Variants in ACTR2 observed in about 807,000 individuals in gnomAD.
ACTR2 encodes the protein actin related protein 2, also known as actin-related protein 2.
ACTR2 carries 5 observed loss-of-function variants against 50.2 expected under a neutral mutation model. The ratio of observed to expected loss-of-function variants is 0.10; its 90% CI spans 0.05 to 0.21. The LOEUF is 0.21. Ranked by LOEUF, ACTR2 falls within the 10% of genes least tolerant of loss-of-function variation. The pLI is 1.00. For missense variants in ACTR2, 180 were observed against 480.6 expected (o/e 0.37, Z 5.85); for synonymous variants, 140 against 162.9 (o/e 0.86, Z 1.07).
At position 65,228,810 on chromosome 2, in the gene ACTR2, A is replaced by G. The variant is rs148180440; in HGVS notation, c.48+853A>G. ...AAGCACTGATTTAGAAACTATTTGA[A>G]AATTGTTTCTGTAATCCCAGCACTT... On this transcript the variant is annotated intron_variant, in intron 1 of 8. Transcript: ENST00000260641. 2.6e-3 allele frequency among the ~76,000 whole-genome samples: 398 copies of G among 152,314 alleles called. 2 individuals carry two copies. The highest frequency in any genetic ancestry group is 3.8e-3 in the Non-Finnish European group (256 of 68,022).
chr2:65,228,168 A>C, intron 1 of ACTR2: 2 of 421,968 alleles, frequency 4.7e-6, no homozygotes, highest in South Asian at 7.1e-5. Flanking sequence ...CCACCCCCTC[A>C]CCCTTCCGGG....
At chr2:65,264,525 A>G (rs61444897) in intron 7 of ACTR2, among the ~76,000 whole-genome samples, 4,305 of 152,298 alleles carry the variant, frequency 0.028, 198 homozygotes, top group African/African-American at 0.098. Flanking sequence ...TGCTGTCAGT[A>G]GATAGCAGGG....
intron 5 of ACTR2, among the ~76,000 whole-genome samples, chr2:65,254,663 A>G (rs999349573): frequency 5.3e-5 from 8 of 152,198 alleles, no homozygotes; most frequent in South Asian, 2.1e-4. Flanking sequence ...CAGGAATGCT[A>G]CTGAACATTC....
At chr2:65,234,459 AGTT>A (rs72504572) in intron 1 of ACTR2, among the ~76,000 whole-genome samples, 1,626 of 152,228 alleles carry the variant, frequency 0.011, 38 homozygotes, top group African/African-American at 0.036. Context: ...GTAGGTTTAC[AGTT>A]GTTTTTATAG....
chr2:65,267,118 T>C (rs1190296559), intron 8 of ACTR2, among the ~76,000 whole-genome samples: 1 of 152,216 alleles, frequency 6.6e-6, no homozygotes, highest in Non-Finnish European at 1.5e-5. Context: ...AGGGGCTAGC[T>C]AAGTTTCCCT....
chr2:65,227,946 A>C lies in ACTR2; in HGVS notation c.37A>C (p.Asn13His). 3 of 1,521,720 alleles carry C rather than the reference A, an allele frequency of 2.0e-6. No individual in the cohort carries two copies. The highest frequency in any genetic ancestry group is 2.6e-6 in the Non-Finnish European group (3 of 1,135,690). The allele number at this position is 1,521,720 out of a possible 1,614,324, so 94.3% of individuals were successfully genotyped here. The change falls in exon 1 of 9, where the codon AAC (asparagine) becomes CAC (histidine). Residue 13 changes from asparagine to histidine, a missense_variant. Coordinates refer to ENST00000260641, the MANE Select transcript of ACTR2 (RefSeq NM_005722.4). ...SQGRKVVVCD[N>H]GTGFVKCGYA... Reference sequence around the variant, plus strand: ...GGGCAGGAAGGTGGTGGTGTGCGACAACGGCACCGGGGTAAGGGCCGCGCG... The same window carrying C: ...GGGCAGGAAGGTGGTGGTGTGCGACCACGGCACCGGGGTAAGGGCCGCGCG...
intron 3 of ACTR2, among the ~76,000 whole-genome samples, chr2:65,248,705 T>G (rs1025642737): frequency 1.3e-4 from 20 of 151,598 alleles, no homozygotes; most frequent in African/African-American, 4.4e-4. Flanking sequence ...ACCAGAGAGA[T>G]AGGAGGAGCC....
At chr2:65,253,632 A>G in intron 4 of ACTR2, 96 bp from the exon 5 acceptor site, 7 of 1,229,342 alleles carry the variant, frequency 5.7e-6, no homozygotes, top group Non-Finnish European at 8.1e-6. Flanking sequence ...CTAGTTGGTT[A>G]CGTTTCTGTT....
intron 1 of ACTR2, among the ~76,000 whole-genome samples, chr2:65,234,302 A>C (rs1375605117): frequency 6.6e-6 from 1 of 152,212 alleles, no homozygotes; most frequent in South Asian, 2.1e-4. Context: ...TGATGGATGA[A>C]TATATACCCT....
intron 2 of ACTR2, among the ~76,000 whole-genome samples, chr2:65,240,538 G>A (rs182688711): frequency 6.6e-6 from 1 of 152,264 alleles, no homozygotes; most frequent in African/African-American, 2.4e-5. Flanking sequence ...AAAGAGGAAG[G>A]AAAGTTTTCA....
intron 1 of ACTR2, among the ~76,000 whole-genome samples, chr2:65,237,627 G>A (rs1337087145): frequency 6.6e-6 from 1 of 152,122 alleles, no homozygotes; most frequent in Non-Finnish European, 1.5e-5. Context: ...GAGACAGGAG[G>A]ATCATTGGAG....
chr2:65,267,923 A>G (rs1475879581), intron 8 of ACTR2, among the ~76,000 whole-genome samples: 32 of 108,246 alleles, frequency 3.0e-4, no homozygotes, highest in Admixed American at 5.6e-4. Flanking sequence ...TGCAAGCTCC[A>G]CCTCCCAGGT....
At chr2:65,245,022 C>G (rs1205940583) in intron 2 of ACTR2, among the ~76,000 whole-genome samples, 1 of 150,396 alleles carries the variant, frequency 6.6e-6, no homozygotes, top group Admixed American at 6.6e-5. Context: ...GGTAAATGAA[C>G]TTCATAAGAA....
chr2:65,253,903 A>G, intron 5 of ACTR2, 39 bp downstream of exon 5: 1 of 1,571,010 alleles, frequency 6.4e-7, no homozygotes, highest in Non-Finnish European at 8.7e-7. Flanking sequence ...TAAATTTTGT[A>G]ATTTGTTTAC....
At chr2:65,233,442 G>T (rs1671677386) in intron 1 of ACTR2, among the ~76,000 whole-genome samples, 1 of 151,786 alleles carries the variant, frequency 6.6e-6, no homozygotes, top group Non-Finnish European at 1.5e-5. Context: ...ATTGCTTGAG[G>T]CTGGGAGTTC....
At chr2:65,248,752 T>C (rs1374532075) in intron 3 of ACTR2, among the ~76,000 whole-genome samples, 2 of 152,002 alleles carry the variant, frequency 1.3e-5, no homozygotes, top group Non-Finnish European at 2.9e-5. Flanking sequence ...GAGGCCGGGC[T>C]AGGTGGCTCC....
At chr2:65,248,191 A>G (rs182327811) in intron 3 of ACTR2, among the ~76,000 whole-genome samples, 280 of 152,174 alleles carry the variant, frequency 1.8e-3, no homozygotes, top group Non-Finnish European at 2.1e-3. Flanking sequence ...CACGAGGTCA[A>G]GAGTTCGAGA....
At chr2:65,260,484 C>T (rs1403169476) in intron 6 of ACTR2, among the ~76,000 whole-genome samples, 6 of 152,240 alleles carry the variant, frequency 3.9e-5, no homozygotes, top group Admixed American at 6.5e-5. Context: ...CCAGCCTGGG[C>T]GACAAGAGAA....
Position 65,227,974 on chromosome 2 carries a change from G to A in ACTR2, c.48+17G>A. 6.7e-7 allele frequency: 1 copy of A among 1,500,436 alleles called. No individual in the cohort carries two copies. Among genetic ancestry groups the A allele is most frequent in the Non-Finnish European group, 8.9e-7 (1 of 1,125,828 alleles). 92.9% of individuals were successfully genotyped at this position (1,500,436 alleles called of 1,614,324 possible). ...GGCACCGGGGTAAGGGCCGCGCGAG[G>A]AGGCCTTGGCGGCCACAGACGCCGG... On this transcript the variant is annotated intron_variant, in intron 1 of 8. Transcript: ENST00000260641.
Sources: gnomAD v4.1 joint callset for allele counts (sites outside exome capture counted in the v4.1 genomes callset) on GRCh38, gnomAD v4.1.1 for gene constraint, MANE v1.5 for transcripts, NCBI Gene and HGNC (gene_info 2026-07-23, HGNC 2026-07-21) for gene names.